DDX25: variants seen among roughly 807,000 people sequenced by gnomAD.
DDX25 encodes the protein DEAD-box helicase 25.
DDX25 carries 70 observed loss-of-function variants against 64.6 expected under a neutral mutation model. The ratio of observed to expected loss-of-function variants is 1.08; its 90% CI spans 0.89 to 1.32. The LOEUF is 1.32. DDX25 is among the 40% of genes most tolerant of loss of function. The probability of loss-of-function intolerance (pLI) is 0.00; values close to 1 mark genes in which losing one functional copy is unlikely to be tolerated. For missense variants in DDX25, 587 were observed against 604.4 expected, an observed-to-expected ratio of 0.97 and a Z score of 0.30; for synonymous variants, 211 against 213.3, an observed-to-expected ratio of 0.99 and a Z score of 0.09.
At position 125,917,168 on chromosome 11, in the gene DDX25, T is replaced by C. The variant is rs762964204; in HGVS notation, c.955T>C (p.Cys319Arg). Residue 319 changes from cysteine (C) to arginine (R), a missense_variant, in exon 9 of 12, where the codon TGT becomes CGT. By Grantham distance (180) the Cys-to-Arg change is radical. Transcript: ENST00000263576. ...LNNIRQYYVL[C>R]EHRKDKYQAL... is the part of the protein sequence containing the mutation. ...CAACATCCGGCAATATTACGTGCTG[T>C]GTGAGCACAGGAAAGACAAATACCA... The C allele has an allele frequency of 1.2e-6, 2 of 1,611,600 alleles. No individual in the cohort carries two copies. The highest frequency in any genetic ancestry group is 8.5e-7 in the Non-Finnish European group (1 of 1,179,042).
rs1945137305 is a variant in DDX25, at chr11:125,923,325, C to T, written c.*444C>T. On this transcript the variant is annotated 3_prime_UTR_variant, in exon 12 of 12. Coordinates refer to ENST00000263576, the MANE Select transcript of DDX25 (RefSeq NM_013264.5). ...TTCCAGCCATTTATGCCTTTCCCCG[C>T]TCCCCGCCTTAAACTCCCCCATGCA... The T allele has an allele frequency of 6.4e-6, 1 of 155,658 alleles. No homozygotes were observed. Among genetic ancestry groups the T allele is most frequent in the South Asian group, 2.0e-4 (1 of 4,896 alleles). 9.6% of individuals were successfully genotyped at this position (155,658 alleles called of 1,614,324 possible).
rs1212445320 is a variant in DDX25 at position 125,927,257 on chromosome 11, A to T, written c.*4376A>T. On this transcript the variant is annotated 3_prime_UTR_variant, in exon 12 of 12. Coordinates refer to ENST00000263576, the MANE Select transcript of DDX25 (RefSeq NM_013264.5). ...AGAGATGTCCCATGGTGTTTGGCAAACCCACGGAGGGGCCCACAGGCCCAT... is the reference window on the plus strand; with the variant it reads ...AGAGATGTCCCATGGTGTTTGGCAATCCCACGGAGGGGCCCACAGGCCCAT... 2 of 152,152 alleles carry T rather than the reference A, an allele frequency of 1.3e-5. No individual in the cohort carries two copies. Among genetic ancestry groups the T allele is most frequent in the East Asian group, 3.9e-4 (2 of 5,184 alleles). 9.4% of individuals were successfully genotyped at this position (152,152 alleles called of 1,614,324 possible). A position where few individuals can be genotyped will look rare whatever the true frequency, so the allele number is the denominator to read the frequency against.
chr11:125,908,458 G>A lies in DDX25; in HGVS notation c.462G>A (p.Val154=), dbSNP rs571626979. 15 of 1,613,976 alleles carry A rather than the reference G, an allele frequency of 9.3e-6. No individual in the cohort carries two copies. Among genetic ancestry groups the A allele is most frequent in the African/African-American group, 8.0e-5 (6 of 75,060 alleles). Reference sequence around the variant, plus strand: ...GAACAGGAAAGACAGCGGCATTTGTGTTGGCAATGTTAAGCAGAGTTAATG... The same window carrying A: ...GAACAGGAAAGACAGCGGCATTTGTATTGGCAATGTTAAGCAGAGTTAATG... ...QSGTGKTAAF[V]LAMLSRVNAL... The change falls in exon 6 of 12, where the codon GTG becomes GTA. Residue 154 remains valine (V), a synonymous_variant. Transcript: ENST00000263576.
intron 4 of DDX25, among the ~76,000 whole-genome samples, chr11:125,907,401 G>A (rs767351170): frequency 5.5e-4 from 84 of 152,266 alleles, no homozygotes; most frequent in African/African-American, 8.2e-4. Flanking sequence ...GAGGTCAGGA[G>A]ATCGAGACCA....
chr11:125,903,339 C>A (rs549653832), upstream of DDX25: 62 of 587,574 alleles, frequency 1.1e-4, no homozygotes, highest in African/African-American at 1.2e-3. Flanking sequence ...GTCCAGCTAC[C>A]GTTTCTCCGC....
At chr11:125,908,603 G>A in intron 6 of DDX25, 100 bp downstream of exon 6, 1 of 1,139,994 alleles carries the variant, frequency 8.8e-7, no homozygotes. Flanking sequence ...CTATGGTGAT[G>A]AAATATTTAG....
At chr11:125,908,577 T>C in intron 6 of DDX25, 74 bp downstream of exon 6, 1 of 1,285,206 alleles carries the variant, frequency 7.8e-7, no homozygotes, top group Non-Finnish European at 1.1e-6. Flanking sequence ...GATATTCCTG[T>C]GCAATGATAT....
intron 4 of DDX25, 87 bp downstream of exon 4, chr11:125,906,296 T>C: frequency 7.2e-7 from 1 of 1,393,478 alleles, no homozygotes; most frequent in Non-Finnish European, 9.4e-7. Flanking sequence ...CATCAGGATC[T>C]CCTCTTTGTT....
In DDX25 at chr11:125,905,592, A is replaced by G; in HGVS notation, c.170A>G (p.Asp57Gly). 1.3e-6 allele frequency: 2 copies of G among 1,551,646 alleles called. No homozygotes were observed. The highest frequency in any genetic ancestry group is 1.7e-6 in the Non-Finnish European group (2 of 1,146,796). ...AACATCAATGAAGATGATGAAGAAG[A>G]TGTAGGTAGGAGATGAATTCATTTG... ...INNINEDDEEDVVDLAANSLL... is the reference protein window; with the variant it reads ...INNINEDDEEGVVDLAANSLL... The change falls in exon 3 of 12, where the codon GAT becomes GGT. Residue 57 changes from aspartate to glycine, a missense_variant. Asp to Gly is a moderately conservative substitution (Grantham distance 94, BLOSUM62 -1). Coordinates refer to ENST00000263576, the MANE Select transcript of DDX25 (RefSeq NM_013264.5).
At position 125,911,354 on chromosome 11, in the gene DDX25, T is replaced by C. The variant is rs1454422134; in HGVS notation, c.666T>C (p.Thr222=). ...TDITKQIIIG[T]PGTVLDWCFK... ...TCACTAAACAGATTATAATTGGCAC[T>C]CCTGGGACTGTCCTAGATTGGTGTT... Residue 222 remains threonine, a synonymous_variant, in exon 8 of 12, where the codon ACT becomes ACC. Coordinates refer to ENST00000263576, the MANE Select transcript of DDX25 (RefSeq NM_013264.5). The C allele has an allele frequency of 1.2e-6, 2 of 1,613,766 alleles. No homozygotes were observed. Among genetic ancestry groups the C allele is most frequent in the Non-Finnish European group, 1.7e-6 (2 of 1,179,774 alleles).
chr11:125,909,462 G>A (rs962982923), intron 6 of DDX25, among the ~76,000 whole-genome samples: 30 of 151,810 alleles, frequency 2.0e-4, no homozygotes, highest in Non-Finnish European at 8.8e-5. Context: ...AGATATTACC[G>A]TTTTTTTCCA....
chr11:125,910,279 C>T, intron 6 of DDX25, 85 bp from the exon 7 acceptor site: 2 of 1,094,842 alleles, frequency 1.8e-6, no homozygotes, highest in Non-Finnish European at 2.8e-6. Context: ...CTGTGCCTCT[C>T]CCTGTACAAA....
chr11:125,907,429 A>T (rs1390249704), intron 4 of DDX25, among the ~76,000 whole-genome samples: 8 of 151,958 alleles, frequency 5.3e-5, no homozygotes, highest in South Asian at 4.2e-4. Flanking sequence ...TAACACAGTG[A>T]AACCCCGTCT....
Position 125,925,766 on chromosome 11 carries a change from G to A in DDX25, c.*2885G>A, listed in dbSNP as rs370944233. The A allele has an allele frequency of 1.6e-4, 33 of 208,658 alleles. 2 individuals carry two copies. Among genetic ancestry groups the A allele is most frequent in the Admixed American group, 1.1e-3 (20 of 18,696 alleles). The allele number at this position is 208,658 out of a possible 1,614,324, so 12.9% of individuals were successfully genotyped here. A position where few individuals can be genotyped will look rare whatever the true frequency, so the allele number is the denominator to read the frequency against. On this transcript the variant is annotated 3_prime_UTR_variant, in exon 12 of 12. Coordinates refer to ENST00000263576, the MANE Select transcript of DDX25 (RefSeq NM_013264.5). ...TCGCATGGAACACGGCTGCTATGATGTTAGGTGCTGGATCTAAGGCAACCA... is the reference window on the plus strand; with the variant it reads ...TCGCATGGAACACGGCTGCTATGATATTAGGTGCTGGATCTAAGGCAACCA...
chr11:125,906,078 T>G lies in DDX25; in HGVS notation c.180T>G (p.Asp60Glu), dbSNP rs1318527225. 4.6e-6 allele frequency: 7 copies of G among 1,529,844 alleles called. No homozygotes were observed. The African/African-American group carries it at 9.8e-5, about 21-fold the overall frequency. The allele number at this position is 1,529,844 out of a possible 1,614,324, so 94.8% of individuals were successfully genotyped here. The change falls in exon 4 of 12, where the codon GAT becomes GAG. Residue 60 changes from aspartate to glutamate, a missense_variant. By Grantham distance (45) the Asp-to-Glu change is conservative. Transcript: ENST00000263576. ...TTTTTATTTTTGCTTTTCTAGTGGA[T>G]TTGGCAGCTAATTCACTCTTAAACA... is the stretch of plus-strand genomic sequence containing the variant. ...INEDDEEDVVDLAANSLLNKL... is the reference protein window; with the variant it reads ...INEDDEEDVVELAANSLLNKL...
intron 6 of DDX25, among the ~76,000 whole-genome samples, chr11:125,909,806 C>T (rs752362088): frequency 3.2e-4 from 49 of 152,136 alleles, no homozygotes; most frequent in Admixed American, 2.4e-3. Context: ...CCCGCCATCA[C>T]GCCTGGCTAA....
intron 7 of DDX25, 77 bp from the exon 8 acceptor site, chr11:125,911,234 A>C (rs1299853895): frequency 7.6e-7 from 1 of 1,310,424 alleles, no homozygotes; most frequent in Non-Finnish European, 1.0e-6. Flanking sequence ...TATGAGCTTT[A>C]TATTGCACTG....
In DDX25 at chr11:125,922,855, G is replaced by T; in HGVS notation, c.1426G>T (p.Asp476Tyr). 1 of 1,609,510 alleles carries T rather than the reference G, an allele frequency of 6.2e-7. No individual in the cohort carries two copies. The change falls in exon 12 of 12, where the codon GAT (aspartate) becomes TAT (tyrosine). Residue 476 changes from aspartate (D) to tyrosine (Y), a missense_variant. Asp to Tyr is a radical substitution (Grantham distance 160). Coordinates refer to ENST00000263576, the MANE Select transcript of DDX25 (RefSeq NM_013264.5). Reference sequence around the variant, plus strand: ...TAAGCAACTCAACGCTGAAGACATGGATGAAATTGAAAAGATTGACTATTG... The same window carrying T: ...TAAGCAACTCAACGCTGAAGACATGTATGAAATTGAAAAGATTGACTATTG... ...SIKQLNAEDM[D>Y]EIEKIDY
At position 125,922,932 on chromosome 11, in the gene DDX25, C is replaced by T; in HGVS notation, c.*51C>T. 1 of 1,521,980 alleles carries T rather than the reference C, an allele frequency of 6.6e-7. No homozygotes were observed. Among genetic ancestry groups the T allele is most frequent in the Non-Finnish European group, 8.9e-7 (1 of 1,121,548 alleles). The allele number at this position is 1,521,980 out of a possible 1,614,324, so 94.3% of individuals were successfully genotyped here. A position where few individuals can be genotyped will look rare whatever the true frequency, so the allele number is the denominator to read the frequency against. ...TATCCTAGTTTATGTGAGAATGTCT[C>T]AGTGGGTTTTGAAGGTAATTTTTTT... On this transcript the variant is annotated 3_prime_UTR_variant, in exon 12 of 12. Coordinates refer to ENST00000263576, the MANE Select transcript of DDX25 (RefSeq NM_013264.5).
Sources: allele counts gnomAD v4.1 joint callset (sites outside exome capture counted in the v4.1 genomes callset), GRCh38; gene constraint gnomAD v4.1.1; transcripts MANE v1.5; gene names NCBI Gene and HGNC (gene_info 2026-07-23, HGNC 2026-07-21).